OTOG: variants seen among roughly 807,000 people sequenced by gnomAD.
The protein encoded by OTOG is otogelin.
OTOG carries 296 observed loss-of-function variants against 313.8 expected under a neutral mutation model. That is an observed-to-expected ratio of 0.94 (90% confidence interval 0.86 to 1.04). The LOEUF is 1.04. Among genes scored for constraint, OTOG ranks in the 50% least tolerant of loss-of-function variants. The probability of loss-of-function intolerance (pLI) is 0.00; values close to 1 mark genes in which losing one functional copy is unlikely to be tolerated. For synonymous variants in OTOG, 1,533 were observed against 1,554.9 expected (o/e 0.99, Z 0.33); for missense variants, 3,948 against 3,840.1 (o/e 1.03, Z -0.74).
rs1013925292 is a variant in OTOG at position 17,641,979 on chromosome 11, G to A, written c.8295+28G>A. On this transcript the variant is annotated intron_variant, in intron 52 of 55. Coordinates refer to ENST00000399397, the MANE Select transcript of OTOG (RefSeq NM_001292063.2). ...AAGCAGCCCCCTCGCTGCCCACTTA[G>A]GAGGGTGTCCCAGAAGGGGACACCA... 6 of 1,545,812 alleles carry A rather than the reference G, an allele frequency of 3.9e-6. No individual in the cohort carries two copies. In the African/African-American group the frequency reaches 8.2e-5, roughly 21 times the overall value.
intron 3 of OTOG, among the ~76,000 whole-genome samples, chr11:17,548,442 TTTTTTTTTTTTTTTAG>T: frequency 1.3e-5 from 1 of 77,224 alleles, no homozygotes; most frequent in Non-Finnish European, 2.8e-5. Flanking sequence ...TTTTTTTTTT[TTTTTTTTTTTTTTTAG>T]GAGAGGTGGG....
intron 42 of OTOG, among the ~76,000 whole-genome samples, chr11:17,632,751 G>T (rs530855826): frequency 6.6e-6 from 1 of 152,300 alleles, no homozygotes; most frequent in Non-Finnish European, 1.5e-5. Flanking sequence ...GACTGGTAGG[G>T]TCGACAGGGG....
intron 20 of OTOG, 31 bp from the exon 21 acceptor site, chr11:17,576,525 C>T: frequency 6.5e-7 from 1 of 1,530,398 alleles, no homozygotes; most frequent in South Asian, 1.2e-5. Context: ...CCTGAGCCTG[C>T]TCACCTTTCT....
In OTOG at chr11:17,632,078, A is replaced by G. The variant is rs543721711; in HGVS notation, c.6934-10A>G. 727 of 1,550,614 alleles carry G rather than the reference A, an allele frequency of 4.7e-4. 2 individuals carry two copies. The highest frequency in any genetic ancestry group is 7.3e-4 in the South Asian group (61 of 84,048). ...CCGAGTAACCAGCACTGCCTGATGC[A>G]TATGTCCAGGTGCCTCCGGAGTCAT... is the stretch of plus-strand genomic sequence containing the variant. On this transcript the variant is annotated splice_polypyrimidine_tract_variant and intron_variant, in intron 41 of 55. Coordinates refer to ENST00000399397, the MANE Select transcript of OTOG (RefSeq NM_001292063.2).
At chr11:17,576,836 C>T (rs1299997173) in intron 21 of OTOG, 32 bp from the exon 22 acceptor site, 20 of 1,548,910 alleles carry the variant, frequency 1.3e-5, no homozygotes, top group South Asian at 8.4e-5. Flanking sequence ...GTGACTGGGT[C>T]GGCTAACCCC....
intron 4 of OTOG, among the ~76,000 whole-genome samples, chr11:17,552,367 C>T (rs1328578849): frequency 6.6e-6 from 1 of 152,204 alleles, no homozygotes. Flanking sequence ...GTTGTTTCCC[C>T]CTCCATCCCA....
intron 39 of OTOG, among the ~76,000 whole-genome samples, chr11:17,622,370 C>T (rs928885315): frequency 7.9e-5 from 12 of 152,152 alleles, no homozygotes; most frequent in South Asian, 2.1e-4. Flanking sequence ...CTTTGTGTTA[C>T]GAACAATCTA....
chr11:17,549,549 T>G (rs972121326), intron 3 of OTOG, among the ~76,000 whole-genome samples: 5 of 152,066 alleles, frequency 3.3e-5, no homozygotes, highest in African/African-American at 1.2e-4. Flanking sequence ...GTAGGGAAAT[T>G]GAGGTGGGTG....
intron 3 of OTOG, among the ~76,000 whole-genome samples, chr11:17,550,567 G>A (rs1456826286): frequency 1.3e-5 from 2 of 152,170 alleles, no homozygotes; most frequent in African/African-American, 2.4e-5. Context: ...TTGCATCACA[G>A]GTTGTCTCAT....
chr11:17,638,546 T>G lies in OTOG; in HGVS notation c.7891T>G (p.Cys2631Gly). 8 of 1,550,336 alleles carry G rather than the reference T, an allele frequency of 5.2e-6. No homozygotes were observed. The highest frequency in any genetic ancestry group is 7.0e-6 in the Non-Finnish European group (8 of 1,146,858). The stretch of plus-strand genomic sequence containing the variant: ...CGACCGCTGCTGCCCCTACAAATCC[T>G]GTGGTGAGTCCGTGGTCAGGACAGC... The part of the protein sequence containing the change: ...SPDRCCPYKS[C>G]ECDCDTIPVP... Residue 2631 changes from cysteine (C) to glycine (G), a missense_variant, in exon 48 of 56, where the codon TGT becomes GGT. Transcript: ENST00000399397.
At chr11:17,559,510 G>A in intron 11 of OTOG, 24 bp from the exon 12 acceptor site, 1 of 1,550,438 alleles carries the variant, frequency 6.4e-7, no homozygotes, top group Non-Finnish European at 8.7e-7. Flanking sequence ...GTAGCTGAGA[G>A]ACCATGGATC....
At chr11:17,613,519 G>A in intron 38 of OTOG, 93 bp from the exon 39 acceptor site, 1 of 1,067,722 alleles carries the variant, frequency 9.4e-7, no homozygotes, top group Non-Finnish European at 1.4e-6. Flanking sequence ...GGGGTAGTCA[G>A]GGGAGACTGT....
At chr11:17,643,839 C>T (rs1054282308) in intron 54 of OTOG, among the ~76,000 whole-genome samples, 2 of 152,224 alleles carry the variant, frequency 1.3e-5, no homozygotes, top group African/African-American at 2.4e-5. Context: ...AGCCCAGATG[C>T]TCCCACATAA....
chr11:17,593,803 A>T (rs1853017159), intron 27 of OTOG, 47 bp downstream of exon 27: 1 of 1,538,068 alleles, frequency 6.5e-7, no homozygotes, highest in Non-Finnish European at 8.8e-7. Flanking sequence ...GGGCTAAGCC[A>T]AGCCCTGGGT....
intron 47 of OTOG, among the ~76,000 whole-genome samples, chr11:17,637,309 T>C (rs1174681929): frequency 6.6e-6 from 1 of 152,148 alleles, no homozygotes; most frequent in Non-Finnish European, 1.5e-5. Flanking sequence ...TCATGCCCAG[T>C]CTGTTTCTTC....
At chr11:17,641,825 C>T (rs1266903878) in intron 51 of OTOG, 22 bp from the exon 52 acceptor site, 7 of 1,530,444 alleles carry the variant, frequency 4.6e-6, no homozygotes, top group Middle Eastern at 1.7e-4. Flanking sequence ...CTGGCTGAGG[C>T]CCACCCCGCC....
chr11:17,547,291 G>T lies in OTOG; in HGVS notation c.-82G>T. 8.5e-7 allele frequency: 1 copy of T among 1,172,744 alleles called. No individual in the cohort carries two copies. 72.6% of individuals were successfully genotyped at this position (1,172,744 alleles called of 1,614,324 possible). The stretch of plus-strand genomic sequence containing the variant: ...CAAGAGGGACCTCGGCTGCGGAGTG[G>T]AGGTGTGACCCTGCCTTAGCCCGGG... On this transcript the variant is annotated 5_prime_UTR_variant, in exon 1 of 56. Coordinates refer to ENST00000399397, the MANE Select transcript of OTOG (RefSeq NM_001292063.2).
intron 17 of OTOG, among the ~76,000 whole-genome samples, chr11:17,571,165 C>A (rs1156818982): frequency 3.3e-5 from 5 of 152,188 alleles, no homozygotes; most frequent in Non-Finnish European, 7.4e-5. Flanking sequence ...AAGCTCAGAG[C>A]TTTTCAATGC....
At chr11:17,559,910 A>AAAGAAGGAAGGGAGGAAGAAG (rs1852145367) in intron 12 of OTOG, among the ~76,000 whole-genome samples, 1 of 90,402 alleles carries the variant, frequency 1.1e-5, no homozygotes, top group Non-Finnish European at 2.1e-5. Flanking sequence ...GGGAGGAAGG[A>AAAGAAGGAAGGGAGGAAGAAG]AGGAAAGAAG....
Sources: gnomAD v4.1 joint callset for allele counts (sites outside exome capture counted in the v4.1 genomes callset) on GRCh38, gnomAD v4.1.1 for gene constraint, MANE v1.5 for transcripts, NCBI Gene and HGNC (gene_info 2026-07-23, HGNC 2026-07-21) for gene names.